PPRC1: variants seen among roughly 807,000 people sequenced by gnomAD.
PPRC1 encodes PPARG related coactivator 1.
Under a neutral mutation model 132.5 loss-of-function variants are expected in PPRC1, and 23 were observed. That is an observed-to-expected ratio of 0.17 (90% CI 0.12 to 0.25). PPRC1 has a LOEUF of 0.25. PPRC1 is among the 10% of genes least tolerant of loss of function. The pLI, the probability that PPRC1 is intolerant of heterozygous loss-of-function variation, is 1.00. For missense variants in PPRC1, 2,006 were observed against 2,089.1 expected (o/e 0.96, Z 0.78); for synonymous variants, 872 against 833.5 (o/e 1.05, Z -0.80).
intron 12 of PPRC1, 26 bp from the exon 13 acceptor site, chr10:102,149,151 GC>G: frequency 1.3e-6 from 2 of 1,560,290 alleles, no homozygotes; most frequent in Non-Finnish European, 1.7e-6. Flanking sequence ...AGCCACTCCA[GC>G]CCCTGCCTCA....
At position 102,148,737 on chromosome 10, in the gene PPRC1, T is replaced by G. The variant is rs764700274; in HGVS notation, c.4617+43T>G. 20 of 1,614,082 alleles carry G rather than the reference T, an allele frequency of 1.2e-5. No individual in the cohort carries two copies. The South Asian group carries it at 2.2e-4, about 18-fold the overall frequency. ...TCATGGGAGGATGGGGCTTACCCCC[T>G]GAGCCTTGAGCTCAGAGAGCTGCCT... On this transcript the variant is annotated intron_variant, in intron 11 of 13. Transcript: ENST00000278070. This position sits in a 1 kb window ranked among gnomAD's most constrained non-coding sequence, Gnocchi z 4.2.
chr10:102,123,185 A>C, the PPRC1 span, among the ~76,000 whole-genome samples: 1 of 152,240 alleles, frequency 6.6e-6, no homozygotes, highest in African/African-American at 2.4e-5. Flanking sequence ...TAGGCAAGTT[A>C]GTTAACTTTG....
intron 1 of PPRC1, among the ~76,000 whole-genome samples, chr10:102,136,207 C>G (rs2068714275): frequency 6.6e-6 from 1 of 152,020 alleles, no homozygotes; most frequent in Non-Finnish European, 1.5e-5. Flanking sequence ...TAAAACCTAC[C>G]ACTTTTTGCT....
chr10:102,131,102 G>A (rs1249755561), upstream of PPRC1, among the ~76,000 whole-genome samples: 3 of 150,704 alleles, frequency 2.0e-5, no homozygotes, highest in Non-Finnish European at 4.4e-5. Flanking sequence ...GGCTGAGGCA[G>A]GAGAATCACT....
chr10:102,129,665 G>A (rs547164380), upstream of PPRC1, among the ~76,000 whole-genome samples: 1 of 151,990 alleles, frequency 6.6e-6, no homozygotes, highest in African/African-American at 2.4e-5. Context: ...GTGCAGCAGC[G>A]TGATCTTGGC....
upstream of PPRC1, among the ~76,000 whole-genome samples, chr10:102,129,524 G>A (rs373900791): frequency 1.9e-4 from 29 of 152,240 alleles, 1 homozygote; most frequent in East Asian, 5.2e-3. Context: ...GTGGCAAAAC[G>A]TTCCGCTTTC....
the PPRC1 span, among the ~76,000 whole-genome samples, chr10:102,127,195 T>C: frequency 6.6e-6 from 1 of 150,934 alleles, no homozygotes; most frequent in Non-Finnish European, 1.5e-5. Flanking sequence ...GCCAACATGG[T>C]GAAACCTTGT....
In PPRC1 at chr10:102,142,845, C is replaced by T. The variant is rs1033691146; in HGVS notation, c.3497-200C>T. ...ATAGGCACAGGTGTGTGCCACCGTG[C>T]CTGGCTGTGGAGGGTTCTTCAGAGG... On this transcript the variant is annotated intron_variant, in intron 5 of 13. Coordinates refer to ENST00000278070, the MANE Select transcript of PPRC1 (RefSeq NM_015062.5). The T allele has an allele frequency of 3.7e-5, 17 of 463,674 alleles. No individual in the cohort carries two copies. In the South Asian group the frequency reaches 6.4e-4, roughly 17 times the overall value. 28.7% of individuals were successfully genotyped at this position (463,674 alleles called of 1,614,324 possible).
chr10:102,150,235 G>GCATT lies in PPRC1; in HGVS notation c.*208_*211dup, dbSNP rs1419549750. ...AACAGGTATTGAAACAAGTTAACTT[G>GCATT]CATTCCTATGTAAGATAGGAGGGGC... On this transcript the variant is annotated 3_prime_UTR_variant, in exon 14 of 14. Transcript: ENST00000278070. The GCATT allele has an allele frequency of 1.6e-5, 8 of 485,386 alleles. No homozygotes were observed. Among genetic ancestry groups the GCATT allele is most frequent in the Admixed American group, 9.9e-5 (3 of 30,320 alleles). 30.1% of individuals were successfully genotyped at this position (485,386 alleles called of 1,614,324 possible).
chr10:102,133,020 G>T, upstream of PPRC1: 1 of 1,237,330 alleles, frequency 8.1e-7, no homozygotes. Flanking sequence ...AATCGGCTGG[G>T]CGAGGCGGCG....
At chr10:102,130,050 A>G (rs530035908), upstream of PPRC1, among the ~76,000 whole-genome samples, 12 of 152,312 alleles carry the variant, frequency 7.9e-5, no homozygotes, top group African/African-American at 2.9e-4. Flanking sequence ...TGTGAACAAG[A>G]CTCAGTTTCC....
rs759423246 is a variant in PPRC1, at chr10:102,146,821, G to T, written c.3829G>T (p.Val1277Phe). 6.2e-7 allele frequency: 1 copy of T among 1,614,084 alleles called. No individual in the cohort carries two copies. The highest frequency in any genetic ancestry group is 8.5e-7 in the Non-Finnish European group (1 of 1,180,006). ...GVTEAKHPAA[V>F]RLQEGVHGPS... ...TACGGAGGCCAAACATCCAGCTGCA[G>T]TTCGCCTCCAAGAAGGGGTCCATGG... Residue 1277 changes from valine to phenylalanine, a missense_variant, in exon 9 of 14, where the codon GTT becomes TTT. Val to Phe is a conservative substitution (Grantham distance 50). This residue lies in a region of PPRC1 where 1,914 missense variants were observed against 1,917.2 expected (regional missense o/e 1.00). Transcript: ENST00000278070.
rs961742596 is a variant in PPRC1 at position 102,141,359 on chromosome 10, G to C, written c.2851G>C (p.Gly951Arg). The C allele has an allele frequency of 6.2e-7, 1 of 1,613,902 alleles. No individual in the cohort carries two copies. Among genetic ancestry groups the C allele is most frequent in the African/African-American group, 1.3e-5 (1 of 74,882 alleles). The change falls in exon 5 of 14, where the codon GGT becomes CGT. Residue 951 changes from glycine (G) to arginine (R), a missense_variant. Gly to Arg is a moderately radical substitution (Grantham distance 125). Transcript: ENST00000278070. ...PTVPLVSGTP[G>R]AYAVPPTCSV... Reference sequence around the variant, plus strand: ...GGTGCCCCTAGTGTCTGGTACTCCTGGTGCCTATGCCGTGCCTCCCACTTG... The same window carrying C: ...GGTGCCCCTAGTGTCTGGTACTCCTCGTGCCTATGCCGTGCCTCCCACTTG...
Position 102,150,060 on chromosome 10 carries a change from C to G in PPRC1, c.*31C>G. The G allele has an allele frequency of 1.3e-6, 2 of 1,552,654 alleles. No individual in the cohort carries two copies. Among genetic ancestry groups the G allele is most frequent in the Non-Finnish European group, 1.8e-6 (2 of 1,124,224 alleles). ...GGCCCTTCCCTGCTATCCTTTTTCT[C>G]CTTTGGAGGTGCCCAACCTCCTCCA... is the stretch of plus-strand genomic sequence containing the variant. On this transcript the variant is annotated 3_prime_UTR_variant, in exon 14 of 14. Transcript: ENST00000278070.
chr10:102,146,197 A>G (rs572663954), intron 8 of PPRC1, among the ~76,000 whole-genome samples: 2 of 152,354 alleles, frequency 1.3e-5, no homozygotes, highest in East Asian at 1.9e-4. Context: ...CGAATGCCAT[A>G]TTAAGCTCTT....
chr10:102,126,341 AAAG>A, the PPRC1 span, among the ~76,000 whole-genome samples: 8 of 68,894 alleles, frequency 1.2e-4, no homozygotes, highest in Non-Finnish European at 2.6e-4. Context: ...GACTGACTCA[AAAG>A]AAAAAAAAAA....
At chr10:102,121,118 G>A in the PPRC1 span, among the ~76,000 whole-genome samples, 2 of 152,184 alleles carry the variant, frequency 1.3e-5, no homozygotes, top group Non-Finnish European at 2.9e-5. Context: ...CTCCGCCTAA[G>A]GGCTTGGGAT....
At position 102,140,735 on chromosome 10, in the gene PPRC1, A is replaced by G; in HGVS notation, c.2227A>G (p.Thr743Ala). ...LKIESGTSAT[T>A]HEARPRPLSL... ...AATTGAAAGTGGTACCAGTGCTACAACCCATGAAGCCAGACCTCGGCCTCT... is the reference window on the plus strand; with the variant it reads ...AATTGAAAGTGGTACCAGTGCTACAGCCCATGAAGCCAGACCTCGGCCTCT... Residue 743 changes from threonine to alanine, a missense_variant, in exon 5 of 14, where the codon ACC becomes GCC. Thr to Ala is a moderately conservative substitution (Grantham distance 58, BLOSUM62 0). Transcript: ENST00000278070. 6.2e-7 allele frequency: 1 copy of G among 1,613,988 alleles called. No individual in the cohort carries two copies. The highest frequency in any genetic ancestry group is 8.5e-7 in the Non-Finnish European group (1 of 1,179,996).
chr10:102,121,698 T>C, the PPRC1 span, among the ~76,000 whole-genome samples: 1 of 152,066 alleles, frequency 6.6e-6, no homozygotes, highest in Admixed American at 6.5e-5. Flanking sequence ...CTTTCTTAAG[T>C]TTCAGTATGG....
Sources: allele counts gnomAD v4.1 joint callset (sites outside exome capture counted in the v4.1 genomes callset), GRCh38; gene constraint gnomAD v4.1.1; regional missense constraint gnomAD v4.1.1; non-coding constraint Gnocchi (gnomAD v3.1); transcripts MANE v1.5; gene names NCBI Gene and HGNC (gene_info 2026-07-23, HGNC 2026-07-21).